ANO2: variants seen among roughly 807,000 people sequenced by gnomAD.
ANO2 encodes the protein anoctamin 2, also known as anoctamin-2.
In ANO2, 101 loss-of-function variants were observed where a neutral mutation model predicts 124.2. The ratio of observed to expected loss-of-function variants is 0.81; its 90% CI spans 0.69 to 0.96. The LOEUF is 0.96. ANO2 is among the 40% of genes least tolerant of loss of function. ANO2 has a pLI of 0.00. For missense variants in ANO2, 1,293 were observed against 1,274.5 expected (o/e 1.01, Z -0.22); for synonymous variants, 486 against 482.5 (o/e 1.01, Z -0.09).
intron 2 of ANO2, 38 bp from the exon 3 acceptor site, chr12:5,921,404 T>C (rs775554035): frequency 6.3e-7 from 1 of 1,588,004 alleles, no homozygotes; most frequent in Non-Finnish European, 8.6e-7. Context: ...CAAGGTCTGG[T>C]GAGTAAGGGG....
intron 3 of ANO2, chr12:5,858,628 G>A (rs1955178514): frequency 6.6e-6 from 1 of 152,218 alleles, no homozygotes; most frequent in South Asian, 2.1e-4. Context: ...ATCTGAATAA[G>A]GAGGATGAGA....
chr12:5,762,894 G>A (rs1565650259), intron 10 of ANO2, among the ~76,000 whole-genome samples: 1 of 151,784 alleles, frequency 6.6e-6, no homozygotes, highest in Non-Finnish European at 1.5e-5. Flanking sequence ...ATAATTTATT[G>A]TGCTTCATAT....
At chr12:5,573,672 A>G (rs886507436) in intron 23 of ANO2, among the ~76,000 whole-genome samples, 3 of 152,222 alleles carry the variant, frequency 2.0e-5, no homozygotes, top group African/African-American at 7.2e-5. Flanking sequence ...ATGTGATTTT[A>G]GTATGAGAGT....
chr12:5,665,110 C>T, intron 14 of ANO2, among the ~76,000 whole-genome samples: 1 of 152,172 alleles, frequency 6.6e-6, no homozygotes, highest in Non-Finnish European at 1.5e-5. Context: ...CTTCCACATG[C>T]CCTTCAGCTC....
At chr12:5,677,852 A>G (rs1254810281) in intron 14 of ANO2, among the ~76,000 whole-genome samples, 6 of 152,124 alleles carry the variant, frequency 3.9e-5, no homozygotes, top group Non-Finnish European at 7.4e-5. Context: ...CATGGGGGCA[A>G]TTTCCTTAGA....
At chr12:5,653,687 A>C (rs1484760421) in intron 14 of ANO2, among the ~76,000 whole-genome samples, 3 of 152,252 alleles carry the variant, frequency 2.0e-5, no homozygotes, top group Admixed American at 6.5e-5. Flanking sequence ...ATAGAAGAAC[A>C]GCTCAAATTC....
At chr12:5,697,042 G>A (rs1949211360) in intron 14 of ANO2, among the ~76,000 whole-genome samples, 1 of 152,052 alleles carries the variant, frequency 6.6e-6, no homozygotes, top group Admixed American at 6.6e-5. Flanking sequence ...TTTAAAAACA[G>A]GAATAAAATA....
chr12:5,942,145 C>T (rs764181801), intron 1 of ANO2, among the ~76,000 whole-genome samples: 22 of 152,178 alleles, frequency 1.4e-4, no homozygotes, highest in Admixed American at 4.6e-4. Context: ...AGTGTCACTG[C>T]TCCAAATAGA....
chr12:5,756,355 T>C (rs933626036), intron 10 of ANO2, among the ~76,000 whole-genome samples: 1 of 152,104 alleles, frequency 6.6e-6, no homozygotes, highest in African/African-American at 2.4e-5. Context: ...TATCAATTTA[T>C]TTAGGGTAAG....
At chr12:5,790,943 G>A (rs775640529) in intron 10 of ANO2, among the ~76,000 whole-genome samples, 3 of 152,096 alleles carry the variant, frequency 2.0e-5, no homozygotes, top group Non-Finnish European at 4.4e-5. Flanking sequence ...AAGCAAGGAG[G>A]GCCAAAATAC....
chr12:5,640,924 C>T (rs1946344749), intron 15 of ANO2, among the ~76,000 whole-genome samples: 1 of 152,202 alleles, frequency 6.6e-6, no homozygotes, highest in Non-Finnish European at 1.5e-5. Context: ...CACATGCACA[C>T]ATATGTTTAT....
chr12:5,568,900 G>C (rs1344289633), intron 23 of ANO2, among the ~76,000 whole-genome samples: 1 of 152,250 alleles, frequency 6.6e-6, no homozygotes, highest in East Asian at 1.9e-4. Flanking sequence ...CCATCACAGA[G>C]TTGTTCTGAA....
intron 3 of ANO2, among the ~76,000 whole-genome samples, chr12:5,861,151 C>T (rs1011519433): frequency 6.6e-6 from 1 of 152,174 alleles, no homozygotes; most frequent in Non-Finnish European, 1.5e-5. Context: ...GGAAGACCTG[C>T]AGCCCAAGAG....
At chr12:5,801,560 G>T (rs1459391353) in intron 9 of ANO2, among the ~76,000 whole-genome samples, 1 of 152,178 alleles carries the variant, frequency 6.6e-6, no homozygotes, top group East Asian at 1.9e-4. Context: ...TTAAAGACAT[G>T]ATATTAAAAT....
intron 6 of ANO2, among the ~76,000 whole-genome samples, chr12:5,830,079 AT>A (rs1954102559): frequency 6.6e-6 from 1 of 152,030 alleles, no homozygotes; most frequent in African/African-American, 2.4e-5. Flanking sequence ...GATCTATATA[AT>A]TTTTTTTCAA....
intron 7 of ANO2, among the ~76,000 whole-genome samples, chr12:5,817,385 A>G (rs926579072): frequency 5.9e-5 from 9 of 152,214 alleles, no homozygotes; most frequent in Non-Finnish European, 8.8e-5. Flanking sequence ...CATTCAATCA[A>G]ATCAACTGAG....
chr12:5,938,541 C>A (rs1942753767), intron 1 of ANO2, among the ~76,000 whole-genome samples: 1 of 152,196 alleles, frequency 6.6e-6, no homozygotes, highest in African/African-American at 2.4e-5. Flanking sequence ...AAGCTAAGGG[C>A]CAGGCATGGT....
chr12:5,713,518 A>T (rs1349117768), intron 14 of ANO2, among the ~76,000 whole-genome samples: 1 of 152,162 alleles, frequency 6.6e-6, no homozygotes, highest in African/African-American at 2.4e-5. Context: ...GGGCAATGCT[A>T]AATCCCCCCT....
intron 10 of ANO2, among the ~76,000 whole-genome samples, chr12:5,783,092 T>C (rs192330213): frequency 2.0e-5 from 3 of 152,338 alleles, no homozygotes; most frequent in Admixed American, 6.5e-5. Context: ...CAAGTTCATG[T>C]TTTGGCAACA....
Sources: gnomAD v4.1 joint callset for allele counts (sites outside exome capture counted in the v4.1 genomes callset) on GRCh38, gnomAD v4.1.1 for gene constraint, MANE v1.5 for transcripts, NCBI Gene and HGNC (gene_info 2026-07-23, HGNC 2026-07-21) for gene names.